The following LRBA variants were observed in gnomAD, a reference collection of about 807,000 sequenced individuals.
LRBA encodes the protein lipopolysaccharide-responsive and beige-like anchor protein.
Under a neutral mutation model 330.0 loss-of-function variants are expected in LRBA, and 176 were observed. That is an observed-to-expected ratio of 0.53 (90% CI 0.47 to 0.60). The LOEUF (loss-of-function observed/expected upper bound fraction) is 0.60, where lower values mean the gene tolerates loss of function less well. LRBA is among the 20% of genes least tolerant of loss of function. The pLI is 0.00. For missense variants in LRBA, 3,259 were observed against 3,444.8 expected, an observed-to-expected ratio of 0.95 and a Z score of 1.35; for synonymous variants, 1,230 against 1,193.0, an observed-to-expected ratio of 1.03 and a Z score of -0.64.
At chr4:150,834,876 G>C (rs1331304647) in intron 28 of LRBA, among the ~76,000 whole-genome samples, 1 of 152,140 alleles carries the variant, frequency 6.6e-6, no homozygotes, top group Non-Finnish European at 1.5e-5. Flanking sequence ...TGAAGTCCTT[G>C]CCCATGCCTG....
chr4:150,587,214 T>G (rs1290197584), intron 40 of LRBA, among the ~76,000 whole-genome samples: 1 of 152,288 alleles, frequency 6.6e-6, no homozygotes, highest in African/African-American at 2.4e-5. Context: ...ATTTAAAAAT[T>G]CACATGATTA....
chr4:150,850,465 C>T (rs1351505024), intron 24 of LRBA, among the ~76,000 whole-genome samples: 1 of 152,038 alleles, frequency 6.6e-6, no homozygotes, highest in Admixed American at 6.6e-5. Context: ...GAATTCCGTG[C>T]CATAAAATTG....
Position 150,868,247 on chromosome 4 carries a change from C to T in LRBA, c.2508G>A (p.Met836Ile), listed in dbSNP as rs966276627. 6.2e-7 allele frequency: 1 copy of T among 1,612,620 alleles called. No individual in the cohort carries two copies. Among genetic ancestry groups the T allele is most frequent in the Middle Eastern group, 1.7e-4 (1 of 6,058 alleles). ...LRNSPQCPESMEVRRAFLSDM... is the reference protein window; with the variant it reads ...LRNSPQCPESIEVRRAFLSDM... The stretch of plus-strand genomic sequence containing the variant: ...CAGAAAGAAAGGCTCTGCGAACCTC[C>T]ATGCTCTCTGGGCACTGGGGAGAAT... The change falls in exon 21 of 57, where the codon ATG becomes ATA. Residue 836 changes from methionine (M) to isoleucine (I), a missense_variant. By Grantham distance (10) the Met-to-Ile change is conservative. Coordinates refer to ENST00000651943, the MANE Select transcript of LRBA (RefSeq NM_001364905.1).
chr4:150,477,988 T>C (rs2152076477), intron 42 of LRBA, among the ~76,000 whole-genome samples: 1 of 152,268 alleles, frequency 6.6e-6, no homozygotes, highest in Non-Finnish European at 1.5e-5. Flanking sequence ...TTTTCCTGGA[T>C]TTCCTGTCTT....
chr4:150,791,380 T>C (rs191766644), intron 34 of LRBA, among the ~76,000 whole-genome samples: 227 of 152,338 alleles, frequency 1.5e-3, no homozygotes, highest in Non-Finnish European at 2.4e-3. Context: ...TTAATGTCCG[T>C]TTAAAATTAT....
intron 44 of LRBA, among the ~76,000 whole-genome samples, chr4:150,459,293 G>C (rs1754468084): frequency 6.6e-6 from 1 of 151,832 alleles, no homozygotes; most frequent in Non-Finnish European, 1.5e-5. Context: ...TCAGAAACGT[G>C]TCTGGTAAAA....
intron 47 of LRBA, among the ~76,000 whole-genome samples, chr4:150,373,170 T>TGA (rs1222034309): frequency 5.8e-4 from 65 of 111,540 alleles, no homozygotes; most frequent in African/African-American, 6.6e-4. Flanking sequence ...TGTGTGTGTG[T>TGA]GTGAGAGAGA....
At chr4:150,471,782 C>T (rs1397818197) in intron 42 of LRBA, 43 bp from the exon 43 acceptor site, 1 of 863,642 alleles carries the variant, frequency 1.2e-6, no homozygotes, top group Non-Finnish European at 1.9e-6. Flanking sequence ...AATTATATCA[C>T]AATAATAAAT....
intron 40 of LRBA, chr4:150,579,105 GTTTC>G (rs1033893006): frequency 1.6e-5 from 6 of 373,846 alleles, no homozygotes; most frequent in Non-Finnish European, 2.6e-5. Context: ...AGCCTCTAGA[GTTTC>G]TTTCTCTCAC....
intron 37 of LRBA, among the ~76,000 whole-genome samples, chr4:150,639,833 A>ATG (rs1778458595): frequency 1.5e-4 from 3 of 20,422 alleles, no homozygotes; most frequent in African/African-American, 3.3e-4. Flanking sequence ...ATATATATAT[A>ATG]TATATATATA....
At chr4:150,341,529 A>G (rs1397472317) in intron 48 of LRBA, among the ~76,000 whole-genome samples, 1 of 151,982 alleles carries the variant, frequency 6.6e-6, no homozygotes, top group East Asian at 1.9e-4. Context: ...ATAGAGCCAT[A>G]CTGTGCTCTT....
At chr4:150,733,084 A>G (rs1429918773) in intron 36 of LRBA, among the ~76,000 whole-genome samples, 1 of 152,104 alleles carries the variant, frequency 6.6e-6, no homozygotes, top group African/African-American at 2.4e-5. Flanking sequence ...TTAAATGTCA[A>G]ATCAACTCTA....
At chr4:150,695,267 T>C (rs1298386754) in intron 36 of LRBA, among the ~76,000 whole-genome samples, 1 of 152,090 alleles carries the variant, frequency 6.6e-6, no homozygotes, top group African/African-American at 2.4e-5. Context: ...GAGACAAAAA[T>C]AACAATCAGC....
chr4:150,423,018 A>G (rs1749038137), intron 46 of LRBA: 1 of 785,052 alleles, frequency 1.3e-6, no homozygotes, highest in Non-Finnish European at 2.4e-6. Flanking sequence ...CCTGGCCTAG[A>G]GCTTCCAAGG....
At chr4:150,933,389 G>A (rs996163671) in intron 2 of LRBA, among the ~76,000 whole-genome samples, 1 of 150,732 alleles carries the variant, frequency 6.6e-6, no homozygotes, top group Non-Finnish European at 1.5e-5. Context: ...AAAAGTTAAT[G>A]AAGTTGTATA....
chr4:150,487,726 C>T lies in LRBA; in HGVS notation c.6551+6G>A, dbSNP rs752516144. The T allele has an allele frequency of 6.4e-7, 1 of 1,569,462 alleles. No homozygotes were observed. ...CTTTCCCTAAGTTTCTCATATAAAA[C>T]AGTACCTGGTTTGAGGCAATCCAAA... On this transcript the variant is annotated splice_donor_region_variant and intron_variant, in intron 42 of 56. Transcript: ENST00000651943.
intron 22 of LRBA, among the ~76,000 whole-genome samples, chr4:150,862,871 C>T (rs1357956282): frequency 6.6e-6 from 1 of 151,894 alleles, no homozygotes; most frequent in East Asian, 1.9e-4. Flanking sequence ...CCCAGCTACT[C>T]GCCAGGCTGA....
At chr4:150,806,529 G>A (rs1742817915) in intron 32 of LRBA, 125 bp from the exon 33 acceptor site, 1 of 464,166 alleles carries the variant, frequency 2.2e-6, no homozygotes, top group Non-Finnish European at 3.3e-6. Flanking sequence ...ATCACCTAAA[G>A]AGACATTACT....
intron 42 of LRBA, among the ~76,000 whole-genome samples, chr4:150,474,019 C>T (rs1429793959): frequency 6.6e-6 from 1 of 152,106 alleles, no homozygotes; most frequent in Non-Finnish European, 1.5e-5. Flanking sequence ...GTGGATTATG[C>T]TTTTAGTGTC....
Sources: gnomAD v4.1 joint callset for allele counts (sites outside exome capture counted in the v4.1 genomes callset) on GRCh38, gnomAD v4.1.1 for gene constraint, MANE v1.5 for transcripts, NCBI Gene and HGNC (gene_info 2026-07-23, HGNC 2026-07-21) for gene names.